GPC6: variants seen among roughly 807,000 people sequenced by gnomAD.
GPC6 encodes the protein glypican-6.
GPC6 carries 14 observed loss-of-function variants against 55.2 expected under a neutral mutation model. That is an observed-to-expected ratio of 0.25 (90% CI 0.17 to 0.40). GPC6 has a LOEUF of 0.40. Ranked by LOEUF, GPC6 falls within the 10% of genes least tolerant of loss-of-function variation. The probability of loss-of-function intolerance (pLI) is 1.00; values close to 1 mark genes in which losing one functional copy is unlikely to be tolerated. For missense variants in GPC6, 641 were observed against 708.5 expected (o/e 0.90, Z 1.08); for synonymous variants, 278 against 259.6 (o/e 1.07, Z -0.68).
At chr13:94,212,966 G>T (rs1890123083) in intron 4 of GPC6, among the ~76,000 whole-genome samples, 1 of 152,190 alleles carries the variant, frequency 6.6e-6, no homozygotes, top group African/African-American at 2.4e-5. Context: ...GACCAGCCTG[G>T]CCAACATGGT....
In GPC6 at chr13:93,696,913, T is replaced by C. The variant is rs535244122; in HGVS notation, c.320-133241T>C. Among the ~76,000 whole-genome samples, 7 of 152,190 alleles carry C rather than the reference T, an allele frequency of 4.6e-5. No homozygotes were observed. In the South Asian group the frequency reaches 1.5e-3, roughly 32 times the overall value. On this transcript the variant is annotated intron_variant, in intron 2 of 8. Transcript: ENST00000377047. ...TGCTAGGATTACAGGTGTGAGCCACTGCACCTGGCCACCTCCGTAACTTTA... is the reference window on the plus strand; with the variant it reads ...TGCTAGGATTACAGGTGTGAGCCACCGCACCTGGCCACCTCCGTAACTTTA...
chr13:93,272,059 G>A (rs1877547917), intron 1 of GPC6, among the ~76,000 whole-genome samples: 1 of 151,936 alleles, frequency 6.6e-6, no homozygotes. Context: ...AATATCAAGA[G>A]GTAGTTAATT....
chr13:94,378,403 T>A (rs1329792921), intron 6 of GPC6, among the ~76,000 whole-genome samples: 1 of 152,176 alleles, frequency 6.6e-6, no homozygotes, highest in Non-Finnish European at 1.5e-5. Context: ...TAGTTCTTTC[T>A]GGTCATTGGC....
intron 1 of GPC6, among the ~76,000 whole-genome samples, chr13:93,351,989 C>T (rs927614847): frequency 7.9e-5 from 12 of 151,920 alleles, no homozygotes; most frequent in Admixed American, 1.3e-4. Context: ...TTCTTGGCAG[C>T]GTAAAAGGAA....
intron 1 of GPC6, among the ~76,000 whole-genome samples, chr13:93,372,770 C>T (rs1010236006): frequency 6.6e-6 from 1 of 152,036 alleles, no homozygotes; most frequent in African/African-American, 2.4e-5. Flanking sequence ...TTTATAATAT[C>T]AGACATACTG....
At chr13:93,980,991 T>G (rs9524299) in intron 3 of GPC6, among the ~76,000 whole-genome samples, 25,791 of 152,180 alleles carry the variant, frequency 0.17, 2,284 homozygotes, top group East Asian at 0.27. Context: ...GTATGCCAAC[T>G]GAAGACATTA....
chr13:93,471,534 G>A (rs1879116227), intron 1 of GPC6, among the ~76,000 whole-genome samples: 2 of 151,908 alleles, frequency 1.3e-5, no homozygotes, highest in Admixed American at 1.3e-4. Context: ...AGAAAAAAAA[G>A]CAAATTTTCT....
intron 5 of GPC6, among the ~76,000 whole-genome samples, chr13:94,292,382 C>T (rs1020824317): frequency 6.6e-6 from 1 of 152,154 alleles, no homozygotes; most frequent in Non-Finnish European, 1.5e-5. Context: ...TTCAGCAAAA[C>T]CTGCAATGAG....
At chr13:94,298,975 T>C (rs944499257) in intron 5 of GPC6, among the ~76,000 whole-genome samples, 1 of 152,216 alleles carries the variant, frequency 6.6e-6, no homozygotes, top group Non-Finnish European at 1.5e-5. Flanking sequence ...GAAATCTACA[T>C]GCTAATTGCC....
At chr13:94,236,251 G>T (rs1369166290) in intron 4 of GPC6, among the ~76,000 whole-genome samples, 2 of 152,146 alleles carry the variant, frequency 1.3e-5, no homozygotes, top group Non-Finnish European at 2.9e-5. Flanking sequence ...TAAAGAAAAT[G>T]AAATTCTGAG....
intron 2 of GPC6, among the ~76,000 whole-genome samples, chr13:93,793,938 CTT>C (rs1200690669): frequency 1.3e-5 from 2 of 152,154 alleles, no homozygotes; most frequent in Non-Finnish European, 2.9e-5. Flanking sequence ...AAACAAATGT[CTT>C]TATCTGTCTA....
intron 3 of GPC6, among the ~76,000 whole-genome samples, chr13:94,018,939 C>T (rs1594670549): frequency 6.6e-6 from 1 of 152,154 alleles, no homozygotes; most frequent in Admixed American, 6.5e-5. Context: ...ACAACCATTC[C>T]CCCACCCCCA....
chr13:94,150,301 G>A (rs910174707), intron 4 of GPC6, among the ~76,000 whole-genome samples: 2 of 152,016 alleles, frequency 1.3e-5, no homozygotes, highest in African/African-American at 4.8e-5. Flanking sequence ...TTGCAGCAAG[G>A]ACTGATATCC....
At chr13:94,202,530 A>G (rs1226947656) in intron 4 of GPC6, among the ~76,000 whole-genome samples, 1 of 152,144 alleles carries the variant, frequency 6.6e-6, no homozygotes, top group Non-Finnish European at 1.5e-5. Context: ...CTACCAAGAG[A>G]ACAGTATGGG....
At chr13:94,296,250 A>G (rs1337629896) in intron 5 of GPC6, among the ~76,000 whole-genome samples, 1 of 152,238 alleles carries the variant, frequency 6.6e-6, no homozygotes, top group Non-Finnish European at 1.5e-5. Flanking sequence ...GATGATAAAG[A>G]AAAACTCCTT....
intron 6 of GPC6, among the ~76,000 whole-genome samples, chr13:94,379,564 T>C (rs1294034469): frequency 6.6e-6 from 1 of 152,188 alleles, no homozygotes; most frequent in Non-Finnish European, 1.5e-5. Flanking sequence ...GAACACACAG[T>C]ATTGTGACCC....
intron 4 of GPC6, among the ~76,000 whole-genome samples, chr13:94,068,083 T>C (rs961470620): frequency 1.1e-4 from 17 of 152,172 alleles, no homozygotes; most frequent in African/African-American, 4.1e-4. Context: ...GTTTTCATGC[T>C]GCTAATAAAG....
At chr13:93,377,123 G>T (rs1309416043) in intron 1 of GPC6, among the ~76,000 whole-genome samples, 1 of 152,120 alleles carries the variant, frequency 6.6e-6, no homozygotes, top group Non-Finnish European at 1.5e-5. Flanking sequence ...GCTCAGCCTG[G>T]CTACAAGTGC....
At chr13:93,237,435 G>A (rs1165083391) in intron 1 of GPC6, among the ~76,000 whole-genome samples, 1 of 151,762 alleles carries the variant, frequency 6.6e-6, no homozygotes, top group Non-Finnish European at 1.5e-5. Flanking sequence ...TATTCTTGCT[G>A]ACTTGTTTGA....
Sources: gnomAD v4.1 joint callset for allele counts (sites outside exome capture counted in the v4.1 genomes callset) on GRCh38, gnomAD v4.1.1 for gene constraint, MANE v1.5 for transcripts, NCBI Gene and HGNC (gene_info 2026-07-23, HGNC 2026-07-21) for gene names.